MDGA2: variants seen among roughly 807,000 people sequenced by gnomAD.
MDGA2 encodes the protein MAM domain containing glycosylphosphatidylinositol anchor 2.
MDGA2 carries 40 observed loss-of-function variants against 117.8 expected under a neutral mutation model. The ratio of observed to expected loss-of-function variants is 0.34; its 90% confidence interval spans 0.26 to 0.44. The LOEUF is 0.44. Ranked by LOEUF, MDGA2 falls within the 20% of genes least tolerant of loss-of-function variation. The pLI, the probability that MDGA2 is intolerant of heterozygous loss-of-function variation, is 1.00. For synonymous variants in MDGA2, 452 were observed against 439.0 expected (o/e 1.03, Z -0.37); for missense variants, 1,123 against 1,250.6 (o/e 0.90, Z 1.54).
At chr14:47,265,096 T>G (rs2139684026) in intron 2 of MDGA2, among the ~76,000 whole-genome samples, 1 of 152,292 alleles carries the variant, frequency 6.6e-6, no homozygotes, top group African/African-American at 2.4e-5. Flanking sequence ...TGATGAAATA[T>G]TCTCAACAGG....
intron 1 of MDGA2, among the ~76,000 whole-genome samples, chr14:47,629,802 T>A (rs1897219862): frequency 1.3e-5 from 2 of 152,204 alleles, no homozygotes; most frequent in African/African-American, 4.8e-5. Context: ...AGAAAATGTC[T>A]ACTAGAGAAG....
chr14:47,104,701 G>A (rs1195915830), intron 5 of MDGA2, among the ~76,000 whole-genome samples: 8 of 152,028 alleles, frequency 5.3e-5, no homozygotes, highest in Non-Finnish European at 1.0e-4. Flanking sequence ...GACTCAGATC[G>A]GGGGACCTCC....
rs1891135987 is a variant in MDGA2 at position 47,361,963 on chromosome 14, C to G, written c.281-60413G>C. 1.3e-5 allele frequency among the ~76,000 whole-genome samples: 2 copies of G among 152,090 alleles called. 1 individual carries two copies. Among genetic ancestry groups the G allele is most frequent in the South Asian group, 4.1e-4 (2 of 4,824 alleles). On this transcript the variant is annotated intron_variant, in intron 1 of 16. Transcript: ENST00000399232. ...TTTCTGGTGGTAAAATATGTCCTTCCTTTAAATGGAAATGATAGTGGGTTT... is the reference window on the plus strand; with the variant it reads ...TTTCTGGTGGTAAAATATGTCCTTCGTTTAAATGGAAATGATAGTGGGTTT...
intron 14 of MDGA2, among the ~76,000 whole-genome samples, chr14:46,864,837 C>T (rs2138334912): frequency 6.6e-6 from 1 of 152,048 alleles, no homozygotes; most frequent in African/African-American, 2.4e-5. Flanking sequence ...CTTATCTATC[C>T]CCTCAGCCAC....
Position 46,960,703 on chromosome 14 carries a change from A to T in MDGA2, c.1820-3060T>A, listed in dbSNP as rs559855702. On this transcript the variant is annotated intron_variant, in intron 8 of 16. Transcript: ENST00000399232. ...TACATACATATGTGTATATATACAC[A>T]TATATGTACATGAAATATAATTTTC... 9.3e-5 allele frequency among the ~76,000 whole-genome samples: 14 copies of T among 149,774 alleles called. No homozygotes were observed. The South Asian group carries it at 2.9e-3, about 31-fold the overall frequency.
intron 6 of MDGA2, among the ~76,000 whole-genome samples, chr14:47,062,496 TTTC>T (rs1889922461): frequency 8.6e-6 from 1 of 116,572 alleles, no homozygotes. Context: ...TACACAGATT[TTTC>T]TTTTTTTTTT....
Position 47,651,328 on chromosome 14 carries a change from T to C in MDGA2, c.280+23189A>G, listed in dbSNP as rs181196243. 1.7e-3 allele frequency among the ~76,000 whole-genome samples: 264 copies of C among 152,046 alleles called. 2 individuals carry two copies. The highest frequency in any genetic ancestry group is 6.1e-3 in the African/African-American group (252 of 41,482). ...GAGCTCCAATACAGGGCAGACATTT[T>C]CGGAGCAATGGATAAGCACACACAA... On this transcript the variant is annotated intron_variant, in intron 1 of 16. Coordinates refer to ENST00000399232, the MANE Select transcript of MDGA2 (RefSeq NM_001113498.3).
At chr14:47,424,678 T>C (rs1402407563) in intron 1 of MDGA2, among the ~76,000 whole-genome samples, 1 of 152,172 alleles carries the variant, frequency 6.6e-6, no homozygotes, top group East Asian at 1.9e-4. Context: ...TTTAGTTAAT[T>C]CAGAGTGGAG....
rs534214716 is a variant in MDGA2 at position 47,101,648 on chromosome 14, G to C, written c.926-4525C>G. ...CAGAGAGACCAGCTAGCACTGAAAA[G>C]TGCCAAAAACAATAGGAATGAGAGA... On this transcript the variant is annotated intron_variant, in intron 5 of 16. Coordinates refer to ENST00000399232, the MANE Select transcript of MDGA2 (RefSeq NM_001113498.3). Among the ~76,000 whole-genome samples the C allele has an allele frequency of 9.8e-5, 15 of 152,306 alleles. 1 individual carries two copies. Among genetic ancestry groups the C allele is most frequent in the African/African-American group, 3.6e-4 (15 of 41,586 alleles).
At chr14:47,206,436 A>C (rs1885686445) in intron 3 of MDGA2, among the ~76,000 whole-genome samples, 1 of 151,802 alleles carries the variant, frequency 6.6e-6, no homozygotes, top group African/African-American at 2.4e-5. Context: ...ACAGAAAGAA[A>C]AAAAAATAGC....
At chr14:47,279,896 C>A (rs1459385263) in intron 2 of MDGA2, among the ~76,000 whole-genome samples, 1 of 152,104 alleles carries the variant, frequency 6.6e-6, no homozygotes. Flanking sequence ...TGGGATCTCA[C>A]TTTATTTTCC....
intron 1 of MDGA2, among the ~76,000 whole-genome samples, chr14:47,432,752 A>C (rs989214171): frequency 6.6e-6 from 1 of 152,162 alleles, no homozygotes; most frequent in African/African-American, 2.4e-5. Flanking sequence ...TAGTCTAAAT[A>C]TATTCTAAGC....
chr14:47,188,044 A>AT (rs1398327114), intron 3 of MDGA2, among the ~76,000 whole-genome samples: 1 of 152,148 alleles, frequency 6.6e-6, no homozygotes, highest in African/African-American at 2.4e-5. Context: ...ATATTTTCCC[A>AT]TTAGAGATTT....
chr14:47,175,456 CA>C lies in MDGA2; in HGVS notation c.596-31183del, dbSNP rs1433069196. On this transcript the variant is annotated intron_variant, in intron 3 of 16. Coordinates refer to ENST00000399232, the MANE Select transcript of MDGA2 (RefSeq NM_001113498.3). ...CATCAAAAAGCTTATCCACCATGATCAAGTGGGCTTCATCCCTGGGATGCAA... is the reference window on the plus strand; with the variant it reads ...CATCAAAAAGCTTATCCACCATGATCAGTGGGCTTCATCCCTGGGATGCAA... Among the ~76,000 whole-genome samples, 4 of 148,918 alleles carry C rather than the reference CA, an allele frequency of 2.7e-5. No homozygotes were observed. In the East Asian group the frequency reaches 7.9e-4, roughly 29 times the overall value.
chr14:47,571,470 C>T (rs1896018428), intron 1 of MDGA2, among the ~76,000 whole-genome samples: 1 of 152,104 alleles, frequency 6.6e-6, no homozygotes, highest in African/African-American at 2.4e-5. Context: ...TTTATTGTGA[C>T]ACTATTCACA....
intron 1 of MDGA2, among the ~76,000 whole-genome samples, chr14:47,543,903 T>C (rs1043745611): frequency 1.3e-5 from 2 of 152,184 alleles, no homozygotes; most frequent in African/African-American, 2.4e-5. Flanking sequence ...AGTCCCAAAA[T>C]ATGTAACATA....
At chr14:47,543,557 A>G (rs1249930235) in intron 1 of MDGA2, among the ~76,000 whole-genome samples, 1 of 152,236 alleles carries the variant, frequency 6.6e-6, no homozygotes, top group Non-Finnish European at 1.5e-5. Flanking sequence ...TTCTGAGCAG[A>G]TGACACCATC....
intron 3 of MDGA2, among the ~76,000 whole-genome samples, chr14:47,197,738 G>A (rs754990733): frequency 1.6e-4 from 24 of 152,124 alleles, no homozygotes; most frequent in African/African-American, 3.9e-4. Context: ...GTGAAACCCC[G>A]TCTCTACTAA....
At chr14:47,237,166 C>T (rs1022934078) in intron 2 of MDGA2, among the ~76,000 whole-genome samples, 2 of 151,540 alleles carry the variant, frequency 1.3e-5, no homozygotes, top group Non-Finnish European at 2.9e-5. Context: ...GAAAGCCTTG[C>T]TAAGGAAAAA....
Sources: gnomAD v4.1 joint callset for allele counts (sites outside exome capture counted in the v4.1 genomes callset) on GRCh38, gnomAD v4.1.1 for gene constraint, MANE v1.5 for transcripts, NCBI Gene and HGNC (gene_info 2026-07-23, HGNC 2026-07-21) for gene names.